ZNF536: variants seen among roughly 807,000 people sequenced by gnomAD.
ZNF536 encodes the protein zinc finger protein 536.
A neutral mutation model predicts 84.5 loss-of-function variants in ZNF536; 13 were observed. The observed-to-expected ratio is 0.15, with a 90% CI of 0.10 to 0.24. The LOEUF (loss-of-function observed/expected upper bound fraction) is 0.24, where lower values mean the gene tolerates loss of function less well. Among genes scored for constraint, ZNF536 ranks in the 10% least tolerant of loss-of-function variants. The probability of loss-of-function intolerance (pLI) is 1.00; values close to 1 mark genes in which losing one functional copy is unlikely to be tolerated. For synonymous variants in ZNF536, 811 were observed against 742.5 expected (o/e 1.09, Z -1.50); for missense variants, 1,536 against 1,747.5 (o/e 0.88, Z 2.16).
chr19:30,312,634 C>A (rs1439316943), intron 2 of ZNF536, among the ~76,000 whole-genome samples: 1 of 152,236 alleles, frequency 6.6e-6, no homozygotes, highest in Non-Finnish European at 1.5e-5. Context: ...CAGTCACCTG[C>A]ATGGGGGGAC....
intron 1 of ZNF536, among the ~76,000 whole-genome samples, chr19:30,707,791 C>A (rs1443334919): frequency 6.6e-6 from 1 of 151,962 alleles, no homozygotes; most frequent in African/African-American, 2.4e-5. Flanking sequence ...GGGTGGATCA[C>A]CTGAGGTCAG....
intron 1 of ZNF536, among the ~76,000 whole-genome samples, chr19:30,233,511 T>C (rs571966624): frequency 3.3e-5 from 5 of 151,826 alleles, no homozygotes; most frequent in East Asian, 1.9e-4. Flanking sequence ...CTAGGTAGTT[T>C]TTAACATTTT....
intron 2 of ZNF536, among the ~76,000 whole-genome samples, chr19:30,506,724 C>T (rs542394921): frequency 2.0e-5 from 3 of 152,252 alleles, no homozygotes; most frequent in Non-Finnish European, 2.9e-5. Flanking sequence ...GATTGGGCCT[C>T]GAGTAATCCA....
chr19:30,659,200 C>CT (rs1457621496), intron 1 of ZNF536, among the ~76,000 whole-genome samples: 1 of 152,190 alleles, frequency 6.6e-6, no homozygotes, highest in African/African-American at 2.4e-5. Flanking sequence ...GTTCTGCAGA[C>CT]TGTACAGGAA....
chr19:30,484,091 C>T (rs532198219), intron 2 of ZNF536, among the ~76,000 whole-genome samples: 4 of 152,188 alleles, frequency 2.6e-5, no homozygotes, highest in African/African-American at 7.2e-5. Flanking sequence ...CCTGCCCCAT[C>T]GAATCACAGG....
chr19:30,338,915 G>T (rs1033608189), intron 2 of ZNF536, among the ~76,000 whole-genome samples: 5 of 152,184 alleles, frequency 3.3e-5, no homozygotes, highest in Non-Finnish European at 7.3e-5. Flanking sequence ...AGTGCCTGCT[G>T]CAGAAGGCCA....
intron 1 of ZNF536, among the ~76,000 whole-genome samples, chr19:30,684,184 G>A (rs530045649): frequency 1.3e-5 from 2 of 152,030 alleles, no homozygotes; most frequent in Admixed American, 6.6e-5. Context: ...ACCCAGGCTC[G>A]AGTGCAATGG....
At chr19:30,288,231 G>A (rs2045716841) in intron 2 of ZNF536, among the ~76,000 whole-genome samples, 1 of 152,162 alleles carries the variant, frequency 6.6e-6, no homozygotes. Context: ...AGGACTTCCT[G>A]CCCACGTGAC....
rs545270021 is a variant in ZNF536 at position 30,426,971 on chromosome 19, C to T, written c.-2-16590C>T. ...TCTATCTGCTCATTGATCCATGCAT[C>T]CATCCATCCATGTATCCATCCATCC... On this transcript the variant is annotated intron_variant, in intron 1 of 4. Transcript: ENST00000355537. Among the ~76,000 whole-genome samples the T allele has an allele frequency of 2.6e-5, 4 of 152,092 alleles. No individual in the cohort carries two copies. The East Asian group carries it at 7.7e-4, about 29-fold the overall frequency.
At chr19:30,524,382 A>C (rs1476682997) in intron 2 of ZNF536, among the ~76,000 whole-genome samples, 1 of 152,222 alleles carries the variant, frequency 6.6e-6, no homozygotes, top group Non-Finnish European at 1.5e-5. Context: ...AAAAGCTGGG[A>C]TCACTCGGCT....
rs543570317 is a variant in ZNF536, at chr19:30,624,966, C to T, written c.169+75452C>T. 4.9e-4 allele frequency among the ~76,000 whole-genome samples: 75 copies of T among 152,298 alleles called. 1 individual carries two copies. The highest frequency in any genetic ancestry group is 1.7e-3 in the African/African-American group (70 of 41,558). The stretch of plus-strand genomic sequence containing the variant: ...TTGTGAAAAAGGACATGTTTGCTTC[C>T]TCTTCTGCCATGATTGTAAGTTTCC... On this transcript the variant is annotated intron_variant, in intron 1 of 1. Coordinates refer to the ZNF536 transcript ENST00000592773.
intron 2 of ZNF536, among the ~76,000 whole-genome samples, chr19:30,512,351 A>G (rs964652716): frequency 1.7e-4 from 26 of 152,176 alleles, no homozygotes; most frequent in African/African-American, 6.3e-4. Flanking sequence ...TGCTGAATGC[A>G]GTCTAATTAA....
chr19:30,247,555 A>C (rs2024350070), intron 1 of ZNF536, among the ~76,000 whole-genome samples: 1 of 152,106 alleles, frequency 6.6e-6, no homozygotes, highest in Admixed American at 6.5e-5. Flanking sequence ...GGCGTGGTGG[A>C]TCAAGCCTGT....
intron 2 of ZNF536, among the ~76,000 whole-genome samples, chr19:30,292,062 G>T (rs1156543203): frequency 6.6e-6 from 1 of 152,158 alleles, no homozygotes. Flanking sequence ...GCCTAAAATA[G>T]TTACCACCTG....
chr19:30,485,554 T>A (rs1185668024), intron 2 of ZNF536, among the ~76,000 whole-genome samples: 1 of 152,144 alleles, frequency 6.6e-6, no homozygotes, highest in Non-Finnish European at 1.5e-5. Context: ...GCAGGACCCA[T>A]GAGCTTCTTG....
upstream of ZNF536, chr19:30,228,224 C>T (rs1296751695): frequency 6.6e-6 from 1 of 151,860 alleles, no homozygotes; most frequent in Non-Finnish European, 1.5e-5. The surrounding 1 kb of genome is among the most constrained non-coding windows in gnomAD (Gnocchi z 4.5). Flanking sequence ...GTTCATTGTT[C>T]ACTGAGTGGA....
intron 2 of ZNF536, among the ~76,000 whole-genome samples, chr19:30,330,655 G>T (rs2047182188): frequency 6.6e-6 from 1 of 152,194 alleles, no homozygotes; most frequent in Non-Finnish European, 1.5e-5. Context: ...GCAACAGCTG[G>T]TGGTCTGGCT....
intron 1 of ZNF536, among the ~76,000 whole-genome samples, chr19:30,686,855 T>C (rs1379465995): frequency 1.3e-5 from 2 of 152,036 alleles, no homozygotes; most frequent in Non-Finnish European, 2.9e-5. Flanking sequence ...GATGATCATG[T>C]GGTATAAGAG....
At chr19:30,679,603 G>C (rs1600241802) in intron 1 of ZNF536, among the ~76,000 whole-genome samples, 1 of 152,280 alleles carries the variant, frequency 6.6e-6, no homozygotes, top group African/African-American at 2.4e-5. Context: ...CAGAGCCCTT[G>C]GTGTGGGGCA....
Sources: allele counts gnomAD v4.1 joint callset (sites outside exome capture counted in the v4.1 genomes callset), GRCh38; gene constraint gnomAD v4.1.1; non-coding constraint Gnocchi (gnomAD v3.1); transcripts MANE v1.5; gene names NCBI Gene and HGNC (gene_info 2026-07-23, HGNC 2026-07-21).